Variants in CASP6 observed in about 807,000 individuals in gnomAD.
CASP6 encodes caspase-6.
A neutral mutation model predicts 31.8 loss-of-function variants in CASP6; 20 were observed. The observed-to-expected ratio is 0.63, with a 90% CI of 0.44 to 0.91. The LOEUF is 0.91. Among genes scored for constraint, CASP6 ranks in the 40% least tolerant of loss-of-function variants. The pLI, the probability that CASP6 is intolerant of heterozygous loss-of-function variation, is 0.00. For missense variants in CASP6, 328 were observed against 361.1 expected, an observed-to-expected ratio of 0.91 and a Z score of 0.74; for synonymous variants, 130 against 127.8, an observed-to-expected ratio of 1.02 and a Z score of -0.12.
the CASP6 span, among the ~76,000 whole-genome samples, chr4:109,669,798 T>G: frequency 1.3e-5 from 2 of 152,174 alleles, no homozygotes; most frequent in African/African-American, 4.8e-5. Context: ...CTATGTTTCA[T>G]CTACTAACAA....
At chr4:109,706,882 G>C (rs1328343814), upstream of CASP6, among the ~76,000 whole-genome samples, 1 of 152,172 alleles carries the variant, frequency 6.6e-6, no homozygotes. Context: ...ACTCCAGCCT[G>C]AGTGACAGAA....
downstream of CASP6, chr4:109,685,235 TCTC>T (rs200545502): frequency 0.013 from 12,213 of 954,614 alleles, 678 homozygotes; most frequent in African/African-American, 0.25. Context: ...TTCTTCTCTC[TCTC>T]TTTTTTTTTA....
At chr4:109,684,587 T>G (rs1228767044), downstream of CASP6, 1 of 1,605,004 alleles carries the variant, frequency 6.2e-7, no homozygotes, top group East Asian at 2.2e-5. Context: ...GCCAGTTACA[T>G]ACTTCATCAC....
At chr4:109,690,196 T>TACTCACACAC (rs1729995727) in intron 6 of CASP6, among the ~76,000 whole-genome samples, 1 of 113,916 alleles carries the variant, frequency 8.8e-6, no homozygotes, top group Admixed American at 8.9e-5. Flanking sequence ...AAAAAAAAAA[T>TACTCACACAC]ACACACACAC....
At chr4:109,670,500 C>T in the CASP6 span, among the ~76,000 whole-genome samples, 1 of 152,070 alleles carries the variant, frequency 6.6e-6, no homozygotes, top group Non-Finnish European at 1.5e-5. Flanking sequence ...GTGGGGATCA[C>T]TGGGTCAGGA....
At chr4:109,670,626 G>C in the CASP6 span, among the ~76,000 whole-genome samples, 1 of 151,724 alleles carries the variant, frequency 6.6e-6, no homozygotes, top group African/African-American at 2.4e-5. Flanking sequence ...TGAGGCAGGA[G>C]AATCGCTTGA....
the CASP6 span, among the ~76,000 whole-genome samples, chr4:109,667,494 G>C: frequency 6.6e-6 from 1 of 151,338 alleles, no homozygotes; most frequent in African/African-American, 2.4e-5. Flanking sequence ...AACCTGGCTA[G>C]AAGTTTATCA....
the CASP6 span, chr4:109,681,372 A>G: frequency 2.5e-6 from 1 of 406,732 alleles, no homozygotes; most frequent in Non-Finnish European, 4.9e-6. Flanking sequence ...CCTCTGGTGC[A>G]GTCTCCAAGC....
At chr4:109,682,637 C>CAGACT in the CASP6 span, 1 of 1,612,872 alleles carries the variant, frequency 6.2e-7, no homozygotes, top group East Asian at 2.2e-5. Flanking sequence ...CTTTGGTTCA[C>CAGACT]AGACTATTTA....
the CASP6 span, chr4:109,683,235 G>C: frequency 6.6e-6 from 1 of 152,514 alleles, no homozygotes; most frequent in Admixed American, 6.5e-5. Flanking sequence ...GGGGAAATTG[G>C]TTTGTTTCAA....
At chr4:109,679,165 G>A in the CASP6 span, among the ~76,000 whole-genome samples, 1 of 151,714 alleles carries the variant, frequency 6.6e-6, no homozygotes, top group Non-Finnish European at 1.5e-5. Flanking sequence ...CTTCCCAGAC[G>A]GGGCAGCTGG....
chr4:109,691,636 C>A (rs942042561), intron 5 of CASP6, among the ~76,000 whole-genome samples: 1 of 152,180 alleles, frequency 6.6e-6, no homozygotes, highest in Non-Finnish European at 1.5e-5. Context: ...AAACTCTTCT[C>A]ATAAGTGACT....
At chr4:109,671,074 T>G in the CASP6 span, among the ~76,000 whole-genome samples, 2 of 152,218 alleles carry the variant, frequency 1.3e-5, no homozygotes, top group Non-Finnish European at 2.9e-5. Flanking sequence ...CGACAGCAAT[T>G]TTCCCTCTAA....
chr4:109,693,803 C>T (rs532906492), intron 5 of CASP6, among the ~76,000 whole-genome samples: 1 of 149,850 alleles, frequency 6.7e-6, no homozygotes, highest in African/African-American at 2.5e-5. Flanking sequence ...CAGTGGTATG[C>T]TCTCGGCTAA....
At chr4:109,701,957 G>A (rs1203338198) in intron 1 of CASP6, among the ~76,000 whole-genome samples, 2 of 152,080 alleles carry the variant, frequency 1.3e-5, no homozygotes, top group Middle Eastern at 3.4e-3. Flanking sequence ...CTTCCCAAAC[G>A]ACTTCGGTCA....
chr4:109,695,716 G>A (rs528062863), intron 4 of CASP6, among the ~76,000 whole-genome samples: 165 of 150,508 alleles, frequency 1.1e-3, no homozygotes, highest in African/African-American at 3.7e-3. Context: ...ACTCCAGCCT[G>A]GGGCGGACAG....
downstream of CASP6, chr4:109,685,304 G>C: frequency 2.5e-6 from 4 of 1,593,526 alleles, no homozygotes; most frequent in Non-Finnish European, 3.4e-6. Context: ...TCTTCCACAA[G>C]AAATCAAAGC....
At chr4:109,678,789 G>GCA in the CASP6 span, among the ~76,000 whole-genome samples, 1 of 143,830 alleles carries the variant, frequency 7.0e-6, no homozygotes, top group Non-Finnish European at 1.5e-5. Context: ...GACGATGGGT[G>GCA]GCCGGGCAGA....
the CASP6 span, among the ~76,000 whole-genome samples, chr4:109,681,240 C>T: frequency 6.6e-6 from 1 of 152,092 alleles, no homozygotes; most frequent in South Asian, 2.1e-4. Flanking sequence ...AAGAATAATA[C>T]ATTTTTAGAG....
Sources: allele counts gnomAD v4.1 joint callset (sites outside exome capture counted in the v4.1 genomes callset), GRCh38; gene constraint gnomAD v4.1.1; transcripts MANE v1.5; gene names NCBI Gene and HGNC (gene_info 2026-07-23, HGNC 2026-07-21).